The following PDE10A variants were observed in gnomAD, a reference collection of about 807,000 sequenced individuals.
PDE10A encodes phosphodiesterase 10A, also known as cAMP and cAMP-inhibited cGMP 3',5'-cyclic phosphodiesterase 10A.
A neutral mutation model predicts 97.7 loss-of-function variants in PDE10A; 39 were observed. The observed-to-expected ratio is 0.40, with a 90% CI of 0.31 to 0.52. The LOEUF (loss-of-function observed/expected upper bound fraction) is 0.52, where lower values mean the gene tolerates loss of function less well. Ranked by LOEUF, PDE10A falls within the 20% of genes least tolerant of loss-of-function variation. PDE10A has a pLI of 0.56. For missense variants in PDE10A, 731 were observed against 1,047.8 expected (o/e 0.70, Z 4.17); for synonymous variants, 371 against 376.8 (o/e 0.98, Z 0.18).
At chr6:165,389,511 C>T (rs1377911593) in intron 16 of PDE10A, among the ~76,000 whole-genome samples, 1 of 152,122 alleles carries the variant, frequency 6.6e-6, no homozygotes, top group Admixed American at 6.5e-5. Context: ...ATGTTTTGGC[C>T]TTAGAAGCTA....
chr6:165,707,938 T>C (rs924611719), intron 1 of PDE10A, among the ~76,000 whole-genome samples: 1 of 152,174 alleles, frequency 6.6e-6, no homozygotes, highest in Admixed American at 6.5e-5. Context: ...AAGATTCCCC[T>C]GTGCTGTTAG....
intron 1 of PDE10A, among the ~76,000 whole-genome samples, chr6:165,817,257 A>C (rs1275477732): frequency 6.6e-6 from 1 of 152,122 alleles, no homozygotes; most frequent in Admixed American, 6.5e-5. Flanking sequence ...AGCTTCTGCT[A>C]CAAAAGAGGG....
chr6:165,431,546 T>C, intron 7 of PDE10A, 74 bp from the exon 8 acceptor site: 1 of 206,914 alleles, frequency 4.8e-6, no homozygotes, highest in Non-Finnish European at 8.5e-6. Flanking sequence ...TATAATATAC[T>C]ATATATCATA....
chr6:165,559,321 G>A (rs371096164), intron 1 of PDE10A, among the ~76,000 whole-genome samples: 6 of 152,178 alleles, frequency 3.9e-5, no homozygotes, highest in African/African-American at 9.7e-5. Flanking sequence ...AGGGATATAC[G>A]TGGAAGTCAT....
Position 165,864,067 on chromosome 6 carries a change from A to G in PDE10A, c.-615+123462T>C, listed in dbSNP as rs568893729. On this transcript the variant is annotated intron_variant, in intron 1 of 19. Transcript: ENST00000366882. ...CGTAGGTTGGTTGTGTAACCTGCCC[A>G]AGGACCCTGCTTGTCATGTTACCAC... Among the ~76,000 whole-genome samples the G allele has an allele frequency of 2.0e-5, 3 of 152,328 alleles. No individual in the cohort carries two copies. The East Asian group carries it at 5.8e-4, about 29-fold the overall frequency.
chr6:165,764,867 T>G (rs1443667610), intron 1 of PDE10A, among the ~76,000 whole-genome samples: 3 of 152,174 alleles, frequency 2.0e-5, no homozygotes, highest in Non-Finnish European at 1.5e-5. Context: ...GCTTTTATTC[T>G]CTTATCTGGC....
chr6:165,730,553 A>T (rs1352580337), intron 1 of PDE10A, among the ~76,000 whole-genome samples: 1 of 151,372 alleles, frequency 6.6e-6, no homozygotes, highest in Non-Finnish European at 1.5e-5. Context: ...GGGGTTCGAG[A>T]CCAGCCTGGC....
At chr6:165,768,397 T>A (rs1248564383) in intron 1 of PDE10A, among the ~76,000 whole-genome samples, 1 of 152,078 alleles carries the variant, frequency 6.6e-6, no homozygotes, top group East Asian at 1.9e-4. Context: ...CTTCTAAGAG[T>A]TTTACTTTTA....
At chr6:165,766,088 C>T (rs1272437185) in intron 1 of PDE10A, among the ~76,000 whole-genome samples, 3 of 152,200 alleles carry the variant, frequency 2.0e-5, no homozygotes, top group African/African-American at 7.2e-5. Flanking sequence ...CCTAACTCTT[C>T]TCAGCTTGTT....
At chr6:165,710,954 A>T (rs181262117) in intron 1 of PDE10A, among the ~76,000 whole-genome samples, 1 of 152,352 alleles carries the variant, frequency 6.6e-6, no homozygotes, top group Admixed American at 6.5e-5. Flanking sequence ...GAGCCGTAAG[A>T]GAATGCCAGG....
chr6:165,787,856 A>G (rs1239487111), intron 1 of PDE10A, among the ~76,000 whole-genome samples: 1 of 152,236 alleles, frequency 6.6e-6, no homozygotes, highest in Non-Finnish European at 1.5e-5. Context: ...TCTGAGAATC[A>G]GTTTTCTGAT....
chr6:165,901,130 G>A (rs536315992), intron 1 of PDE10A, among the ~76,000 whole-genome samples: 34 of 152,280 alleles, frequency 2.2e-4, no homozygotes, highest in Admixed American at 6.5e-4. Flanking sequence ...ATTCCGCAGC[G>A]AAACATTCAC....
At chr6:165,922,878 C>T (rs1782795497) in intron 1 of PDE10A, among the ~76,000 whole-genome samples, 2 of 152,208 alleles carry the variant, frequency 1.3e-5, no homozygotes, top group South Asian at 4.1e-4. Flanking sequence ...GCCTAAGCCA[C>T]CTTCCGGGGG....
chr6:165,339,381 C>A (rs777999977), intron 19 of PDE10A, 23 bp from the exon 20 acceptor site: 34 of 1,362,722 alleles, frequency 2.5e-5, no homozygotes, highest in Non-Finnish European at 5.3e-6. Context: ...GGGAGAAAAT[C>A]ATGCTTTCTC....
At chr6:165,909,258 C>A (rs1463736009) in intron 1 of PDE10A, among the ~76,000 whole-genome samples, 1 of 152,080 alleles carries the variant, frequency 6.6e-6, no homozygotes, top group Non-Finnish European at 1.5e-5. Flanking sequence ...CTGTGCCACA[C>A]AAAGGAAGAA....
chr6:165,835,772 C>T (rs564529537), intron 1 of PDE10A, among the ~76,000 whole-genome samples: 1 of 152,246 alleles, frequency 6.6e-6, no homozygotes, highest in African/African-American at 2.4e-5. Flanking sequence ...CAGCCAGCAG[C>T]GTACAGGAGG....
intron 1 of PDE10A, among the ~76,000 whole-genome samples, chr6:165,677,945 C>CGT (rs914413506): frequency 1.3e-5 from 2 of 150,450 alleles, no homozygotes; most frequent in African/African-American, 4.9e-5. Context: ...TTTGTATATC[C>CGT]GTGTGTGTGT....
intron 1 of PDE10A, among the ~76,000 whole-genome samples, chr6:165,958,731 G>GAA (rs1373471772): frequency 3.7e-4 from 5 of 13,464 alleles, no homozygotes; most frequent in African/African-American, 2.4e-3. Flanking sequence ...AAGAAAGAAA[G>GAA]AAAGAAAGAA....
chr6:165,876,719 C>T lies in PDE10A; in HGVS notation c.-615+110810G>A, dbSNP rs147216478. Among the ~76,000 whole-genome samples, 976 of 152,296 alleles carry T rather than the reference C, an allele frequency of 6.4e-3. 6 individuals are homozygous for T. Among genetic ancestry groups the T allele is most frequent in the Middle Eastern group, 0.01 (3 of 294 alleles). On this transcript the variant is annotated intron_variant, in intron 1 of 19. Transcript: ENST00000366882. ...TTCTCTTTAAGAGTGGCTGCCAAGC[C>T]TCCGTGCGTCACGGAGCAGAAAGCC...
Sources: gnomAD v4.1 joint callset for allele counts (sites outside exome capture counted in the v4.1 genomes callset) on GRCh38, gnomAD v4.1.1 for gene constraint, MANE v1.5 for transcripts, NCBI Gene and HGNC (gene_info 2026-07-23, HGNC 2026-07-21) for gene names.